The following SLX4 variants were observed in gnomAD, a reference collection of about 807,000 sequenced individuals.
SLX4 encodes structure-specific endonuclease subunit SLX4.
Under a neutral mutation model 146.2 loss-of-function variants are expected in SLX4, and 112 were observed. The ratio of observed to expected loss-of-function variants is 0.77; its 90% CI spans 0.66 to 0.90. SLX4 has a LOEUF of 0.90. SLX4 is among the 40% of genes least tolerant of loss of function. SLX4 has a pLI of 0.00. For missense variants in SLX4, 2,563 were observed against 2,392.7 expected (o/e 1.07, Z -1.49); for synonymous variants, 1,061 against 997.7 (o/e 1.06, Z -1.20).
intron 7 of SLX4, among the ~76,000 whole-genome samples, chr16:3,596,946 C>T (rs1178680090): frequency 6.6e-6 from 1 of 152,102 alleles, no homozygotes; most frequent in African/African-American, 2.4e-5. Context: ...CCTCAGTCTC[C>T]CAAGTAACTG....
intron 10 of SLX4, among the ~76,000 whole-genome samples, chr16:3,593,221 ACCACCATGC>A (rs1409828139): frequency 6.6e-6 from 1 of 151,916 alleles, no homozygotes; most frequent in African/African-American, 2.4e-5. Flanking sequence ...GCAGCCGCCC[ACCACCATGC>A]CCGGCTAATT....
At position 3,596,105 on chromosome 16, in the gene SLX4, AGGCCC is replaced by A. The variant is rs1347631651; in HGVS notation, c.1924+43_1924+47del. 2.0e-6 allele frequency: 3 copies of A among 1,532,844 alleles called. No individual in the cohort carries two copies. The African/African-American group carries it at 4.1e-5, about 21-fold the overall frequency. The allele number at this position is 1,532,844 out of a possible 1,614,324, so 95.0% of individuals were successfully genotyped here. ...TGGCAGCCTCAGCCGCGGGGAGGGG[AGGCCC>A]GGGAGGGCAGGGCTGGCCCTAGAGT... On this transcript the variant is annotated intron_variant, in intron 8 of 14. Coordinates refer to ENST00000294008, the MANE Select transcript of SLX4 (RefSeq NM_032444.4).
chr16:3,589,877 G>A lies in SLX4; in HGVS notation c.3761C>T (p.Ser1254Leu), dbSNP rs750580998. The A allele has an allele frequency of 1.2e-5, 20 of 1,613,576 alleles. No individual in the cohort carries two copies. The highest frequency in any genetic ancestry group is 5.3e-5 in the African/African-American group (4 of 74,898). The change falls in exon 12 of 15, where the codon TCG becomes TTG. Residue 1254 changes from serine to leucine, a missense_variant. Physicochemically the swap from Ser to Leu is moderately radical, Grantham distance 145. Transcript: ENST00000294008. The surrounding 1 kb of genome is among the most constrained non-coding windows in gnomAD (Gnocchi z 6.2). ...SPSEASTTDTSWLVPATPLAS... is the reference protein window; with the variant it reads ...SPSEASTTDTLWLVPATPLAS... ...CAGCGGGGTGGCGGGCACCAGCCACGAGGTGTCTGTGGTGCTGGCCTCGCT... is the reference window on the plus strand; with the variant it reads ...CAGCGGGGTGGCGGGCACCAGCCACAAGGTGTCTGTGGTGCTGGCCTCGCT...
In SLX4 at chr16:3,583,179, T is replaced by G. The variant is rs1472289508; in HGVS notation, c.5071A>C (p.Asn1691His). ...SPTKEAPPGL[N>H]DDAQIPASQE... ...GAGGCTGGGATCTGGGCGTCATCAT[T>G]GAGGCCTGGAGGTGCCTCCTTGGTG... Residue 1691 changes from asparagine to histidine, a missense_variant, in exon 14 of 15, where the codon AAT becomes CAT. Transcript: ENST00000294008. The G allele has an allele frequency of 6.2e-7, 1 of 1,614,114 alleles. No homozygotes were observed. Among genetic ancestry groups the G allele is most frequent in the Admixed American group, 1.7e-5 (1 of 60,000 alleles).
Position 3,582,435 on chromosome 16 carries a change from G to A in SLX4, c.5412C>T (p.His1804=). 1 of 1,613,950 alleles carries A rather than the reference G, an allele frequency of 6.2e-7. No individual in the cohort carries two copies. Among genetic ancestry groups the A allele is most frequent in the Non-Finnish European group, 8.5e-7 (1 of 1,180,036 alleles). Residue 1804 remains histidine (H), a synonymous_variant, in exon 15 of 15, where the codon CAC becomes CAT. Coordinates refer to ENST00000294008, the MANE Select transcript of SLX4 (RefSeq NM_032444.4). ...SRRLLDFLDT[H]CITFTTAATR... ...TGGCGGCAGTGGTGAAGGTGATACA[G>A]TGGGTGTCCAGGAAGTCCAACAGCC...
At chr16:3,585,821 A>G (rs2040502226) in intron 12 of SLX4, among the ~76,000 whole-genome samples, 1 of 148,670 alleles carries the variant, frequency 6.7e-6, no homozygotes, top group South Asian at 2.1e-4. Context: ...AAAAAAAAAT[A>G]CAAAAAAAGT....
chr16:3,583,381 C>A lies in SLX4; in HGVS notation c.4869G>T (p.Ala1623=). 6.2e-7 allele frequency: 1 copy of A among 1,612,934 alleles called. No individual in the cohort carries two copies. The highest frequency in any genetic ancestry group is 8.5e-7 in the Non-Finnish European group (1 of 1,179,078). ...ESQSSQPLLQ[A]PHCQTLASQT... ...GGGAGGCGAGGGTCTGGCAGTGAGG[C>A]GCCTGCAACAGCGGCTGTGAGGACT... Residue 1623 remains alanine (A), a synonymous_variant, in exon 14 of 15, where the codon GCG becomes GCT. Transcript: ENST00000294008.
rs577588805 is a variant in SLX4, at chr16:3,601,627, A to C, written c.951-436T>G. The C allele has an allele frequency of 1.3e-5, 4 of 316,014 alleles. No homozygotes were observed. In the East Asian group the frequency reaches 3.4e-4, roughly 27 times the overall value. 19.6% of individuals were successfully genotyped at this position (316,014 alleles called of 1,614,324 possible). On this transcript the variant is annotated intron_variant, in intron 4 of 14. Transcript: ENST00000294008. ...TGGGAAAAACACAGTCTAGCCATAC[A>C]ATGAGATACTGCTCAGCCATAAAAA...
Position 3,589,071 on chromosome 16 carries a change from C to T in SLX4, c.4567G>A (p.Glu1523Lys), listed in dbSNP as rs148542931. Reference protein sequence around the residue: ...VWDGEEQRPPETPPPAQMPSA... With the variant: ...VWDGEEQRPPKTPPPAQMPSA... ...GGCATCTGGGCCGGAGGAGGGGTCTCTGGAGGCCTCTGCTCTTCCCCGTCC... is the reference window on the plus strand; with the variant it reads ...GGCATCTGGGCCGGAGGAGGGGTCTTTGGAGGCCTCTGCTCTTCCCCGTCC... The change falls in exon 12 of 15, where the codon GAG becomes AAG. Residue 1523 changes from glutamate to lysine, a missense_variant. Transcript: ENST00000294008. This position sits in a 1 kb window ranked among gnomAD's most constrained non-coding sequence, Gnocchi z 6.2. The T allele has an allele frequency of 3.1e-6, 5 of 1,614,024 alleles. No individual in the cohort carries two copies. The highest frequency in any genetic ancestry group is 3.4e-6 in the Non-Finnish European group (4 of 1,180,054).
At chr16:3,606,367 G>A in intron 3 of SLX4, 107 bp downstream of exon 3, 1 of 1,195,940 alleles carries the variant, frequency 8.4e-7, no homozygotes, top group East Asian at 2.3e-5. Flanking sequence ...CAAGCAGAGA[G>A]CCTATCCACA....
In SLX4 at chr16:3,601,117, G is replaced by A. The variant is rs564092523; in HGVS notation, c.1025C>T (p.Pro342Leu). ...GGTTCTGCTCTTTAAGGTAAGAAAC[G>A]GTTTCCCACAAATCGGGCACTCAGG... The part of the protein sequence containing the change: ...QIPECPICGK[P>L]FLTLKSRTSH... The change falls in exon 5 of 15, where the codon CCG becomes CTG. Residue 342 changes from proline to leucine, a missense_variant. Transcript: ENST00000294008. The A allele has an allele frequency of 3.1e-6, 5 of 1,614,096 alleles. No individual in the cohort carries two copies. The African/African-American group carries it at 4.0e-5, about 13-fold the overall frequency.
In SLX4 at chr16:3,602,267, C is replaced by G. The variant is rs375643423; in HGVS notation, c.801G>C (p.Ala267=). 1 of 1,614,150 alleles carries G rather than the reference C, an allele frequency of 6.2e-7. No homozygotes were observed. Residue 267 remains alanine, a synonymous_variant, in exon 4 of 15, where the codon GCG becomes GCC. Transcript: ENST00000294008. ...ACTCCTGCTGCAGGGTCAAGGCCAC[C>G]GCAGCGTCGCTCTCTGGGGCAGGGG... ...LGPPAPESDA[A]VALTLQQEFA...
At position 3,590,328 on chromosome 16, in the gene SLX4, G is replaced by A. The variant is rs752187463; in HGVS notation, c.3310C>T (p.Arg1104Trp). The A allele has an allele frequency of 2.0e-5, 33 of 1,614,094 alleles. No homozygotes were observed. In the East Asian group the frequency reaches 3.1e-4, roughly 15 times the overall value. ...EPGHQKGKER[R>W]SVLECRNKGV... ...TTATTTCTGCACTCCAGCACGGACC[G>A]ACGCTCTTTGCCTTTCTGGTGCCCT... is the stretch of plus-strand genomic sequence containing the variant. Residue 1104 changes from arginine to tryptophan, a missense_variant, in exon 12 of 15, where the codon CGG (arginine) becomes TGG (tryptophan). Arg to Trp is a moderately radical substitution (Grantham distance 101). Coordinates refer to ENST00000294008, the MANE Select transcript of SLX4 (RefSeq NM_032444.4). The surrounding 1 kb of genome is among the most constrained non-coding windows in gnomAD (Gnocchi z 4.8).
In SLX4 at chr16:3,589,465, T is replaced by G; in HGVS notation, c.4173A>C (p.Glu1391Asp). ...CGTCACTGTCTCCGACTTCCACCAC[T>G]TCACCCGCTGGGGTCTGGTTCAGGA... ...PSFLNQTPAG[E>D]VVEVGDSDDE... The change falls in exon 12 of 15, where the codon GAA becomes GAC. Residue 1391 changes from glutamate to aspartate, a missense_variant. Coordinates refer to ENST00000294008, the MANE Select transcript of SLX4 (RefSeq NM_032444.4). This position sits in a 1 kb window ranked among gnomAD's most constrained non-coding sequence, Gnocchi z 6.2. 3 of 1,608,282 alleles carry G rather than the reference T, an allele frequency of 1.9e-6. No individual in the cohort carries two copies. Among genetic ancestry groups the G allele is most frequent in the Non-Finnish European group, 2.6e-6 (3 of 1,175,574 alleles).
At chr16:3,611,458 G>A (rs1460049451) in intron 1 of SLX4, 102 bp downstream of exon 1, 1 of 152,258 alleles carries the variant, frequency 6.6e-6, no homozygotes, top group Non-Finnish European at 1.5e-5. Flanking sequence ...GGAGACGGGC[G>A]AGAAAGGCTC....
At position 3,592,816 on chromosome 16, in the gene SLX4, C is replaced by T. The variant is rs146901714; in HGVS notation, c.2210G>A (p.Arg737His). 6.3e-5 allele frequency: 102 copies of T among 1,612,400 alleles called. No individual in the cohort carries two copies. In the African/African-American group the frequency reaches 8.9e-4, roughly 14 times the overall value. The change falls in exon 11 of 15, where the codon CGT (arginine) becomes CAT (histidine). Residue 737 changes from arginine to histidine, a missense_variant. Coordinates refer to ENST00000294008, the MANE Select transcript of SLX4 (RefSeq NM_032444.4). ...GGTGCTCACGTCACCCAGCAGGACA[C>T]GCTGGGTCAGAACCCCGTCCTCTAC... ...SAVEDGVLTQ[R>H]VLLGDVSTEA... is the part of the protein sequence containing the mutation.
chr16:3,608,348 G>T, intron 2 of SLX4, 82 bp downstream of exon 2: 1 of 1,416,032 alleles, frequency 7.1e-7, no homozygotes, highest in Non-Finnish European at 1.0e-6. Context: ...CAGAGTCTGT[G>T]TGGCCTACAA....
In SLX4 at chr16:3,590,426, G is replaced by A; in HGVS notation, c.3212C>T (p.Pro1071Leu). 3.1e-6 allele frequency: 5 copies of A among 1,614,194 alleles called. No individual in the cohort carries two copies. The highest frequency in any genetic ancestry group is 4.2e-6 in the Non-Finnish European group (5 of 1,180,028). The change falls in exon 12 of 15, where the codon CCA becomes CTA. Residue 1071 changes from proline to leucine, a missense_variant. Transcript: ENST00000294008. This position sits in a 1 kb window ranked among gnomAD's most constrained non-coding sequence, Gnocchi z 4.8. The part of the protein sequence containing the change: ...SRGGTSQVGS[P>L]TLLSPAVPSK... The stretch of plus-strand genomic sequence containing the variant: ...TGGCACAGCTGGAGACAGCAAGGTT[G>A]GGGAGCCCACCTGGGAAGTTCCGCC...
chr16:3,593,877 T>G (rs1430327495), intron 10 of SLX4, among the ~76,000 whole-genome samples: 1 of 152,062 alleles, frequency 6.6e-6, no homozygotes, highest in Admixed American at 6.5e-5. Flanking sequence ...TCTTTTTGTT[T>G]TGTTTTGTTT....
Sources: gnomAD v4.1 joint callset for allele counts (sites outside exome capture counted in the v4.1 genomes callset) on GRCh38, gnomAD v4.1.1 for gene constraint, Gnocchi (gnomAD v3.1) non-coding constraint, MANE v1.5 for transcripts, NCBI Gene and HGNC (gene_info 2026-07-23, HGNC 2026-07-21) for gene names.